The following FBXL7 variants were observed in gnomAD, a reference collection of about 807,000 sequenced individuals.
The protein encoded by FBXL7 is F-box/LRR-repeat protein 7.
Under a neutral mutation model 38.3 loss-of-function variants are expected in FBXL7, and 12 were observed. The ratio of observed to expected loss-of-function variants is 0.31; its 90% CI spans 0.20 to 0.51. FBXL7 has a LOEUF of 0.51. FBXL7 is among the 20% of genes least tolerant of loss of function. The pLI is 0.98. For missense variants in FBXL7, 567 were observed against 676.4 expected (o/e 0.84, Z 1.79); for synonymous variants, 297 against 300.9 (o/e 0.99, Z 0.13).
chr5:15,899,036 T>C (rs1445054297), intron 2 of FBXL7, among the ~76,000 whole-genome samples: 2 of 152,248 alleles, frequency 1.3e-5, no homozygotes, highest in South Asian at 2.1e-4. Flanking sequence ...TATATATATT[T>C]ATACACACAT....
intron 2 of FBXL7, among the ~76,000 whole-genome samples, chr5:15,830,895 G>T (rs531533598): frequency 1.3e-5 from 2 of 152,168 alleles, no homozygotes; most frequent in Admixed American, 6.5e-5. Flanking sequence ...TTGCCCACCC[G>T]AGGGCAGATT....
intron 2 of FBXL7, among the ~76,000 whole-genome samples, chr5:15,800,654 A>G (rs1332651472): frequency 6.6e-6 from 1 of 152,108 alleles, no homozygotes; most frequent in African/African-American, 2.4e-5. Flanking sequence ...AAGGTGAAAC[A>G]TATCACCATT....
intron 2 of FBXL7, among the ~76,000 whole-genome samples, chr5:15,748,477 A>T (rs1736070420): frequency 6.6e-6 from 1 of 152,194 alleles, no homozygotes; most frequent in South Asian, 2.1e-4. Flanking sequence ...GTAGTGAATA[A>T]GTCTTACAAG....
chr5:15,787,577 A>G (rs941494443), intron 2 of FBXL7, among the ~76,000 whole-genome samples: 1 of 152,192 alleles, frequency 6.6e-6, no homozygotes, highest in African/African-American at 2.4e-5. Context: ...GTGGTCAGAA[A>G]TACAGAGAGC....
intron 2 of FBXL7, among the ~76,000 whole-genome samples, chr5:15,720,103 G>T (rs1196454978): frequency 1.3e-5 from 2 of 149,160 alleles, no homozygotes; most frequent in Admixed American, 6.8e-5. Context: ...AATCTTGGTT[G>T]AATTGCTGTG....
intron 1 of FBXL7, among the ~76,000 whole-genome samples, chr5:15,569,021 C>T (rs374533843): frequency 1.4e-4 from 22 of 152,212 alleles, no homozygotes; most frequent in South Asian, 1.0e-3. Context: ...AGTCAGGTAG[C>T]GTGATGCCTC....
At chr5:15,603,135 A>T (rs1246742361) in intron 1 of FBXL7, among the ~76,000 whole-genome samples, 1 of 152,156 alleles carries the variant, frequency 6.6e-6, no homozygotes, top group African/African-American at 2.4e-5. Context: ...CCACTGCCCA[A>T]CCTCATACTG....
At chr5:15,828,242 T>C (rs942475629) in intron 2 of FBXL7, among the ~76,000 whole-genome samples, 2 of 152,208 alleles carry the variant, frequency 1.3e-5, no homozygotes, top group African/African-American at 4.8e-5. Context: ...TTGCTGGCTA[T>C]TATTAGTATA....
chr5:15,525,729 G>A (rs1301235515), intron 1 of FBXL7, among the ~76,000 whole-genome samples: 5 of 152,154 alleles, frequency 3.3e-5, no homozygotes, highest in Non-Finnish European at 7.3e-5. Flanking sequence ...ATATTTAAGA[G>A]GAGTCCTCAA....
chr5:15,600,230 C>T (rs761731983), intron 1 of FBXL7, among the ~76,000 whole-genome samples: 9 of 152,208 alleles, frequency 5.9e-5, no homozygotes, highest in Non-Finnish European at 8.8e-5. Flanking sequence ...TCAGTGGTCT[C>T]TTATCAGGAA....
At chr5:15,806,392 C>CA (rs139928455) in intron 2 of FBXL7, among the ~76,000 whole-genome samples, 5,741 of 150,968 alleles carry the variant, frequency 0.038, 374 homozygotes, top group African/African-American at 0.13. Flanking sequence ...AGTGTAAAAA[C>CA]AAAAAAACAA....
chr5:15,509,177 A>G lies in FBXL7; in HGVS notation c.37+8464A>G, dbSNP rs112193312. On this transcript the variant is annotated intron_variant, in intron 1 of 3. Coordinates refer to ENST00000504595, the MANE Select transcript of FBXL7 (RefSeq NM_012304.5). ...TCAGGGAGCGCTGAGGCACTTTTGT[A>G]TAGCACAGGGTCTGCTGGGAGGGGC... Among the ~76,000 whole-genome samples the G allele has an allele frequency of 6.6e-3, 1,003 of 152,334 alleles. 13 individuals are homozygous for G. Among genetic ancestry groups the G allele is most frequent in the African/African-American group, 0.023 (947 of 41,570 alleles).
intron 2 of FBXL7, among the ~76,000 whole-genome samples, chr5:15,753,807 G>A (rs1736217737): frequency 6.6e-6 from 1 of 152,116 alleles, no homozygotes; most frequent in Non-Finnish European, 1.5e-5. Context: ...ACATTTATTA[G>A]CATATATTTA....
chr5:15,722,080 G>T (rs1176604867), intron 2 of FBXL7, among the ~76,000 whole-genome samples: 1 of 152,114 alleles, frequency 6.6e-6, no homozygotes, highest in Non-Finnish European at 1.5e-5. Flanking sequence ...TGATCTGCCC[G>T]CCTTGGCCTC....
chr5:15,731,203 C>A (rs545847487), intron 2 of FBXL7, among the ~76,000 whole-genome samples: 1 of 152,208 alleles, frequency 6.6e-6, no homozygotes, highest in Non-Finnish European at 1.5e-5. Context: ...TCTGTTTTCA[C>A]GCTGCTGATA....
At chr5:15,927,647 T>C (rs1322040320) in intron 2 of FBXL7, among the ~76,000 whole-genome samples, 1 of 151,224 alleles carries the variant, frequency 6.6e-6, no homozygotes, top group African/African-American at 2.4e-5. Context: ...TGGTGGCGCA[T>C]GCCTGTAATT....
At chr5:15,640,049 T>C (rs976921561) in intron 2 of FBXL7, among the ~76,000 whole-genome samples, 1 of 152,336 alleles carries the variant, frequency 6.6e-6, no homozygotes, top group South Asian at 2.1e-4. Flanking sequence ...TTAAGGAACC[T>C]CTGTGCATGT....
At chr5:15,563,339 C>T (rs778556915) in intron 1 of FBXL7, among the ~76,000 whole-genome samples, 14 of 152,098 alleles carry the variant, frequency 9.2e-5, no homozygotes, top group East Asian at 1.9e-4. Flanking sequence ...ACGTTAATTG[C>T]GCTCTGCTAT....
At chr5:15,590,043 G>C (rs766477634) in intron 1 of FBXL7, among the ~76,000 whole-genome samples, 4 of 152,102 alleles carry the variant, frequency 2.6e-5, no homozygotes, top group Non-Finnish European at 5.9e-5. Context: ...AATGATCTTT[G>C]TTTTCAATCT....
Sources: allele counts gnomAD v4.1 joint callset (sites outside exome capture counted in the v4.1 genomes callset), GRCh38; gene constraint gnomAD v4.1.1; transcripts MANE v1.5; gene names NCBI Gene and HGNC (gene_info 2026-07-23, HGNC 2026-07-21).